LCE1F: variants seen among roughly 807,000 people sequenced by gnomAD.
The protein encoded by LCE1F is late cornified envelope protein 1F.
For synonymous variants in LCE1F, 67 were observed against 59.9 expected (o/e 1.12, Z -0.55); for missense variants, 154 against 153.5 (o/e 1.00, Z -0.02).
rs1651612138 is a variant in LCE1F, at chr1:152,776,599, C to G, written c.228C>G (p.Cys76Trp). 6.2e-7 allele frequency: 1 copy of G among 1,612,916 alleles called. No individual in the cohort carries two copies. Among genetic ancestry groups the G allele is most frequent in the Non-Finnish European group, 8.5e-7 (1 of 1,179,702 alleles). Residue 76 changes from cysteine to tryptophan, a missense_variant, in exon 2 of 2, where the codon TGC becomes TGG. Transcript: ENST00000334371. ...GCCSSGGGGC[C>W]LSHHRRRRSH... Reference sequence around the variant, plus strand: ...GCAGCTCTGGGGGAGGCGGCTGTTGCCTGAGCCACCACAGACGGCGTAGGT... The same window carrying G: ...GCAGCTCTGGGGGAGGCGGCTGTTGGCTGAGCCACCACAGACGGCGTAGGT...
At position 152,776,606 on chromosome 1, in the gene LCE1F, C is replaced by G. The variant is rs2101573128; in HGVS notation, c.235C>G (p.His79Asp). ...TGGGGGAGGCGGCTGTTGCCTGAGC[C>G]ACCACAGACGGCGTAGGTCCCACCG... ...SSGGGGCCLS[H>D]HRRRRSHRHR... The change falls in exon 2 of 2, where the codon CAC (histidine) becomes GAC (aspartate). Residue 79 changes from histidine to aspartate, a missense_variant. His to Asp is a moderately conservative substitution (Grantham distance 81). Transcript: ENST00000334371. 1.9e-6 allele frequency: 3 copies of G among 1,609,632 alleles called. No individual in the cohort carries two copies. The highest frequency in any genetic ancestry group is 1.1e-5 in the South Asian group (1 of 90,690).
chr1:152,776,741 G>A lies in LCE1F; in HGVS notation c.*13G>A. 1 of 1,530,226 alleles carries A rather than the reference G, an allele frequency of 6.5e-7. No homozygotes were observed. Among genetic ancestry groups the A allele is most frequent in the Non-Finnish European group, 8.8e-7 (1 of 1,141,948 alleles). The allele number at this position is 1,530,226 out of a possible 1,614,324, so 94.8% of individuals were successfully genotyped here. On this transcript the variant is annotated 3_prime_UTR_variant, in exon 2 of 2. Coordinates refer to ENST00000334371, the MANE Select transcript of LCE1F (RefSeq NM_178354.3). ...AGGCTGCTGCTGAAGTGGACCCTGT[G>A]CCTAAAAGAGCAGATTTAGAGGCAT...
chr1:152,776,259 A>T (rs1651586938), intron 1 of LCE1F, 91 bp from the exon 2 acceptor site: 1 of 1,168,956 alleles, frequency 8.6e-7, no homozygotes, highest in Non-Finnish European at 1.2e-6. Context: ...AAGGCTTTCA[A>T]AATGAAGGAT....
chr1:152,776,883 C>T lies in LCE1F; in HGVS notation c.*155C>T, dbSNP rs555703346. On this transcript the variant is annotated 3_prime_UTR_variant, in exon 2 of 2. Coordinates refer to ENST00000334371, the MANE Select transcript of LCE1F (RefSeq NM_178354.3). ...CCTAGAATCCAGAAATCTGCCCTCTCACAAGAATTCCTCTTCTGACCTCTG... is the reference window on the plus strand; with the variant it reads ...CCTAGAATCCAGAAATCTGCCCTCTTACAAGAATTCCTCTTCTGACCTCTG... Among the ~76,000 whole-genome samples, 2 of 152,354 alleles carry T rather than the reference C, an allele frequency of 1.3e-5. No homozygotes were observed. Among genetic ancestry groups the T allele is most frequent in the Admixed American group, 6.5e-5 (1 of 15,312 alleles).
At position 152,776,527 on chromosome 1, in the gene LCE1F, T is replaced by C. The variant is rs762913568; in HGVS notation, c.156T>C (p.Cys52=). The C allele has an allele frequency of 5.4e-6, 8 of 1,469,428 alleles. No individual in the cohort carries two copies. Among genetic ancestry groups the C allele is most frequent in the Non-Finnish European group, 6.6e-6 (7 of 1,060,480 alleles). The allele number at this position is 1,469,428 out of a possible 1,614,324, so 91.0% of individuals were successfully genotyped here. A position where few individuals can be genotyped will look rare whatever the true frequency, so the allele number is the denominator to read the frequency against. Residue 52 remains cysteine (C), a synonymous_variant, in exon 2 of 2, where the codon TGT becomes TGC. Coordinates refer to ENST00000334371, the MANE Select transcript of LCE1F (RefSeq NM_178354.3). ...GCAGCGTCAGCTCCGGAGGCTGCTG[T>C]GGCTCCAGCTCTGGGGGCTGCTGCA... ...SCCSVSSGGC[C]GSSSGGCCSS... is the part of the protein sequence containing the mutation.
Position 152,776,773 on chromosome 1 carries a change from G to A in LCE1F, c.*45G>A. On this transcript the variant is annotated 3_prime_UTR_variant, in exon 2 of 2. Coordinates refer to ENST00000334371, the MANE Select transcript of LCE1F (RefSeq NM_178354.3). ...AGAGCAGATTTAGAGGCATGAAAGG[G>A]GCAACTTCATCTTCCTTGGGACTGA... The A allele has an allele frequency of 6.6e-7, 1 of 1,509,814 alleles. No individual in the cohort carries two copies. Among genetic ancestry groups the A allele is most frequent in the Non-Finnish European group, 8.9e-7 (1 of 1,128,784 alleles). 93.5% of individuals were successfully genotyped at this position (1,509,814 alleles called of 1,614,324 possible). A position where few individuals can be genotyped will look rare whatever the true frequency, so the allele number is the denominator to read the frequency against.
Position 152,776,792 on chromosome 1 carries a change from GGACT to G in LCE1F, c.*70_*73del. 6.8e-7 allele frequency: 1 copy of G among 1,481,178 alleles called. No individual in the cohort carries two copies. Among genetic ancestry groups the G allele is most frequent in the South Asian group, 1.4e-5 (1 of 72,486 alleles). The allele number at this position is 1,481,178 out of a possible 1,614,324, so 91.8% of individuals were successfully genotyped here. A position where few individuals can be genotyped will look rare whatever the true frequency, so the allele number is the denominator to read the frequency against. Reference sequence around the variant, plus strand: ...GAAAGGGGCAACTTCATCTTCCTTGGGACTGACTGTGTTGCTGGGACATTTTAGT... The same window carrying G: ...GAAAGGGGCAACTTCATCTTCCTTGGGACTGTGTTGCTGGGACATTTTAGT... On this transcript the variant is annotated 3_prime_UTR_variant, in exon 2 of 2. Transcript: ENST00000334371.
chr1:152,776,224 G>C, intron 1 of LCE1F, 126 bp from the exon 2 acceptor site: 1 of 813,608 alleles, frequency 1.2e-6, no homozygotes, highest in Non-Finnish European at 2.0e-6. Flanking sequence ...AAAAACATTA[G>C]AGGTGATTTT....
Position 152,776,452 on chromosome 1 carries a change from G to T in LCE1F, c.81G>T (p.Pro27=). Residue 27 remains proline, a synonymous_variant, in exon 2 of 2, where the codon CCG becomes CCT. Transcript: ENST00000334371. ...AGTGCCCTCCCAAGTGCCCCACACC[G>T]AAGTGCCCCCCAAAGTGTCCCCCTA... The part of the protein sequence containing the change: ...TPKCPPKCPT[P]KCPPKCPPKC... 1 of 1,590,900 alleles carries T rather than the reference G, an allele frequency of 6.3e-7. No homozygotes were observed. The highest frequency in any genetic ancestry group is 8.5e-7 in the Non-Finnish European group (1 of 1,173,252).
In LCE1F at chr1:152,776,922, G is replaced by T. The variant is rs1213765149; in HGVS notation, c.*194G>T. Among the ~76,000 whole-genome samples the T allele has an allele frequency of 6.6e-6, 1 of 152,158 alleles. No individual in the cohort carries two copies. ...TTCTGACCTCTGATTCCATCTGTGC[G>T]CCTGGCCTGGGAATACCAAATAGAA... On this transcript the variant is annotated 3_prime_UTR_variant, in exon 2 of 2. Transcript: ENST00000334371.
chr1:152,776,665 G>A lies in LCE1F; in HGVS notation c.294G>A (p.Gln98=), dbSNP rs754533725. The A allele has an allele frequency of 1.2e-6, 2 of 1,602,734 alleles. No individual in the cohort carries two copies. The highest frequency in any genetic ancestry group is 2.2e-5 in the South Asian group (2 of 89,742). The change falls in exon 2 of 2, where the codon CAG becomes CAA. Residue 98 remains glutamine, a synonymous_variant. Coordinates refer to ENST00000334371, the MANE Select transcript of LCE1F (RefSeq NM_178354.3). ...CCCAGAGCTCTGACTGCTGCAGCCA[G>A]CCCTCAGCGGGCTCCAGCTGCTGCG... ...HRPQSSDCCS[Q]PSAGSSCCGG... is the part of the protein sequence containing the mutation.
At chr1:152,775,915 T>C (rs986535742) in intron 1 of LCE1F, among the ~76,000 whole-genome samples, 1 of 152,250 alleles carries the variant, frequency 6.6e-6, no homozygotes, top group Non-Finnish European at 1.5e-5. Flanking sequence ...TCTCTATTTC[T>C]GCAAACTGAA....
chr1:152,776,626 C>A lies in LCE1F; in HGVS notation c.255C>A (p.Ser85=). ...TGAGCCACCACAGACGGCGTAGGTC[C>A]CACCGCCACAGACCCCAGAGCTCTG... ...CCLSHHRRRR[S]HRHRPQSSDC... Residue 85 remains serine (S), a synonymous_variant, in exon 2 of 2, where the codon TCC becomes TCA. Coordinates refer to ENST00000334371, the MANE Select transcript of LCE1F (RefSeq NM_178354.3). The A allele has an allele frequency of 6.2e-7, 1 of 1,612,322 alleles. No individual in the cohort carries two copies. The highest frequency in any genetic ancestry group is 8.5e-7 in the Non-Finnish European group (1 of 1,179,594).
At position 152,776,821 on chromosome 1, in the gene LCE1F, T is replaced by A; in HGVS notation, c.*93T>A. ...TGACTGTGTTGCTGGGACATTTTAG[T>A]AAAGATTTCAAACTCTGTCCTGGAA... On this transcript the variant is annotated 3_prime_UTR_variant, in exon 2 of 2. Coordinates refer to ENST00000334371, the MANE Select transcript of LCE1F (RefSeq NM_178354.3). 1 of 1,402,698 alleles carries A rather than the reference T, an allele frequency of 7.1e-7. No individual in the cohort carries two copies. The highest frequency in any genetic ancestry group is 9.6e-7 in the Non-Finnish European group (1 of 1,040,516). 86.9% of individuals were successfully genotyped at this position (1,402,698 alleles called of 1,614,324 possible).
At chr1:152,775,681 C>G (rs1651559792) in intron 1 of LCE1F, among the ~76,000 whole-genome samples, 1 of 152,132 alleles carries the variant, frequency 6.6e-6, no homozygotes, top group African/African-American at 2.4e-5. Context: ...TGAGTGCACA[C>G]TGGAGTTTAA....
chr1:152,776,641 C>G lies in LCE1F; in HGVS notation c.270C>G (p.Pro90=). 1 of 1,611,634 alleles carries G rather than the reference C, an allele frequency of 6.2e-7. No homozygotes were observed. The highest frequency in any genetic ancestry group is 8.5e-7 in the Non-Finnish European group (1 of 1,179,130). The part of the protein sequence containing the change: ...HRRRRSHRHR[P]QSSDCCSQPS... ...GGCGTAGGTCCCACCGCCACAGACC[C>G]CAGAGCTCTGACTGCTGCAGCCAGC... Residue 90 remains proline (P), a synonymous_variant, in exon 2 of 2, where the codon CCC becomes CCG. Coordinates refer to ENST00000334371, the MANE Select transcript of LCE1F (RefSeq NM_178354.3).
In LCE1F at chr1:152,776,704, C is replaced by A; in HGVS notation, c.333C>A (p.Gly111=). 5.1e-6 allele frequency: 8 copies of A among 1,576,174 alleles called. No homozygotes were observed. The highest frequency in any genetic ancestry group is 6.9e-6 in the Non-Finnish European group (8 of 1,161,436). Residue 111 remains glycine (G), a synonymous_variant, in exon 2 of 2, where the codon GGC becomes GGA. Transcript: ENST00000334371. ...CCAGCTGCTGCGGAGGGGGCAGTGG[C>A]CAGCACTCTGGAGGCTGCTGCTGAA... The part of the protein sequence containing the change: ...AGSSCCGGGS[G]QHSGGCC
At chr1:152,776,326 A>G (rs1458710049) in intron 1 of LCE1F, 24 bp from the exon 2 acceptor site, 2 of 1,596,628 alleles carry the variant, frequency 1.3e-6, no homozygotes, top group Admixed American at 3.3e-5. Context: ...CCTCCATCTA[A>G]CTTGCTGTCT....
rs776305060 is a variant in LCE1F, at chr1:152,776,330, G to A, written c.-22-20G>A. 100 of 1,600,276 alleles carry A rather than the reference G, an allele frequency of 6.2e-5. 1 individual carries two copies. The South Asian group carries it at 1.0e-3, about 17-fold the overall frequency. ...GGTGTCCTCTGCCTCCATCTAACTTGCTGTCTGACCCTCCTTCAGCTCCTG... is the reference window on the plus strand; with the variant it reads ...GGTGTCCTCTGCCTCCATCTAACTTACTGTCTGACCCTCCTTCAGCTCCTG... On this transcript the variant is annotated intron_variant, in intron 1 of 1. Coordinates refer to ENST00000334371, the MANE Select transcript of LCE1F (RefSeq NM_178354.3).
Sources: gnomAD v4.1 joint callset for allele counts (sites outside exome capture counted in the v4.1 genomes callset) on GRCh38, gnomAD v4.1.1 for gene constraint, MANE v1.5 for transcripts, NCBI Gene and HGNC (gene_info 2026-07-23, HGNC 2026-07-21) for gene names.